The following SNX3 variants were observed in gnomAD, a reference collection of about 807,000 sequenced individuals.
SNX3 encodes the protein sorting nexin 3, also known as sorting nexin-3.
Under a neutral mutation model 17.7 loss-of-function variants are expected in SNX3, and 5 were observed. The observed-to-expected ratio is 0.28, with a 90% CI of 0.15 to 0.59. The LOEUF is 0.59. Among genes scored for constraint, SNX3 ranks in the 20% least tolerant of loss-of-function variants. The pLI is 0.88. For synonymous variants in SNX3, 91 were observed against 76.5 expected (o/e 1.19, Z -0.99); for missense variants, 132 against 206.8 (o/e 0.64, Z 2.22).
At chr6:108,243,856 C>G (rs553243732) in intron 1 of SNX3, among the ~76,000 whole-genome samples, 10 of 152,270 alleles carry the variant, frequency 6.6e-5, no homozygotes, top group Admixed American at 5.9e-4. Flanking sequence ...TCGCATGAAC[C>G]TGGGAGGTGA....
chr6:108,238,452 T>A (rs1775419475), intron 1 of SNX3, among the ~76,000 whole-genome samples: 1 of 152,094 alleles, frequency 6.6e-6, no homozygotes, highest in Non-Finnish European at 1.5e-5. Flanking sequence ...TACAGCCACT[T>A]ACACCACTAC....
chr6:108,232,669 G>A (rs1775205436), intron 1 of SNX3, among the ~76,000 whole-genome samples: 1 of 152,176 alleles, frequency 6.6e-6, no homozygotes, highest in South Asian at 2.1e-4. Context: ...AACATCAAAA[G>A]TATATTCAAT....
chr6:108,223,497 C>CTTTTTTTTTTTTTTTTT (rs59920022), intron 1 of SNX3, among the ~76,000 whole-genome samples: 1 of 110,368 alleles, frequency 9.1e-6, no homozygotes, highest in African/African-American at 4.2e-5. Flanking sequence ...TTTGCTAGTT[C>CTTTTTTTTTTTTTTTTT]TTTTTTTTTT....
In SNX3 at chr6:108,260,753, G is replaced by C. The variant is rs753754574; in HGVS notation, c.162+7C>G. The C allele has an allele frequency of 2.5e-6, 4 of 1,613,464 alleles. No individual in the cohort carries two copies. The highest frequency in any genetic ancestry group is 3.4e-6 in the Non-Finnish European group (4 of 1,179,680). Reference sequence around the variant, plus strand: ...GGTTTCTTGGGAGAGGGGAGAGACGGCCTCACCTTGACCCTGATTTCGTAA... The same window carrying C: ...GGTTTCTTGGGAGAGGGGAGAGACGCCCTCACCTTGACCCTGATTTCGTAA... On this transcript the variant is annotated splice_region_variant and intron_variant, in intron 1 of 3. Transcript: ENST00000230085.
chr6:108,234,238 C>CATATATATATATATAT lies in SNX3; in HGVS notation c.163-11209_163-11194dup, dbSNP rs10655859. On this transcript the variant is annotated intron_variant, in intron 1 of 3. Coordinates refer to ENST00000230085, the MANE Select transcript of SNX3 (RefSeq NM_003795.6). ...AGGCAAAATTAAAATATATAAAAAA[C>CATATATATATATATAT]ATATATATATATATATAACATATAC... Among the ~76,000 whole-genome samples, 1,474 of 148,116 alleles carry CATATATATATATATAT rather than the reference C, an allele frequency of 1.0e-2. 20 individuals are homozygous for CATATATATATATATAT. The highest frequency in any genetic ancestry group is 0.034 in the African/African-American group (1,367 of 39,942).
intron 1 of SNX3, among the ~76,000 whole-genome samples, chr6:108,235,728 T>C (rs1398026235): frequency 2.0e-5 from 3 of 152,092 alleles, no homozygotes; most frequent in Admixed American, 1.3e-4. Context: ...AAACCTCGTC[T>C]CTACTAAAAA....
chr6:108,243,593 A>G (rs973625540), intron 1 of SNX3, among the ~76,000 whole-genome samples: 5 of 152,170 alleles, frequency 3.3e-5, no homozygotes, highest in Admixed American at 2.6e-4. Flanking sequence ...AATACTAAAG[A>G]AAGCCCTTCC....
intron 1 of SNX3, among the ~76,000 whole-genome samples, chr6:108,229,147 C>G (rs1775060084): frequency 6.6e-6 from 1 of 151,304 alleles, no homozygotes; most frequent in Non-Finnish European, 1.5e-5. Context: ...GTAATTCCTG[C>G]TACTCCGGAG....
At chr6:108,214,737 T>A in intron 2 of SNX3, 115 bp from the exon 3 acceptor site, 1 of 1,122,168 alleles carries the variant, frequency 8.9e-7, no homozygotes, top group Non-Finnish European at 1.2e-6. Context: ...CCGGTCAAAC[T>A]AGTTGAAATA....
chr6:108,248,665 A>T (rs1775762033), intron 1 of SNX3, among the ~76,000 whole-genome samples: 1 of 152,212 alleles, frequency 6.6e-6, no homozygotes, highest in Non-Finnish European at 1.5e-5. Flanking sequence ...TATCAACATA[A>T]TCTGGCCTTC....
At chr6:108,223,593 G>C (rs1392704760) in intron 1 of SNX3, among the ~76,000 whole-genome samples, 1 of 142,206 alleles carries the variant, frequency 7.0e-6, no homozygotes, top group Non-Finnish European at 1.5e-5. Flanking sequence ...CACCTCCTAG[G>C]GTCAAGTGAT....
intron 1 of SNX3, among the ~76,000 whole-genome samples, chr6:108,224,067 T>C (rs1774900949): frequency 6.6e-6 from 1 of 152,144 alleles, no homozygotes; most frequent in African/African-American, 2.4e-5. Context: ...ATTTTCTTGG[T>C]GCTCATTCAT....
intron 1 of SNX3, among the ~76,000 whole-genome samples, chr6:108,236,531 C>G (rs1210761845): frequency 1.3e-5 from 2 of 150,950 alleles, no homozygotes; most frequent in African/African-American, 2.4e-5. Context: ...CTACAGGCGC[C>G]CGCCACTACG....
intron 2 of SNX3, among the ~76,000 whole-genome samples, chr6:108,214,887 C>T (rs1017704908): frequency 2.6e-5 from 4 of 152,170 alleles, no homozygotes; most frequent in Non-Finnish European, 4.4e-5. Context: ...CCCAGGTATA[C>T]AAAGAGAACA....
intron 1 of SNX3, among the ~76,000 whole-genome samples, chr6:108,234,465 C>G (rs973966922): frequency 6.6e-6 from 1 of 152,002 alleles, no homozygotes; most frequent in Non-Finnish European, 1.5e-5. Flanking sequence ...GCAGGAGAAT[C>G]GCTTGAACCC....
chr6:108,244,463 CTGTT>C (rs1341111125), intron 1 of SNX3, among the ~76,000 whole-genome samples: 5 of 151,960 alleles, frequency 3.3e-5, no homozygotes, highest in Admixed American at 6.6e-5. Context: ...CCCCTCCATA[CTGTT>C]TGTTTCCATA....
intron 1 of SNX3, among the ~76,000 whole-genome samples, chr6:108,243,120 C>T (rs114476618): frequency 5.3e-4 from 80 of 152,154 alleles, no homozygotes; most frequent in African/African-American, 1.7e-3. Context: ...TAAGAGACAG[C>T]GTCTTGCTTA....
At chr6:108,257,013 C>T (rs1776051657) in intron 1 of SNX3, among the ~76,000 whole-genome samples, 1 of 152,184 alleles carries the variant, frequency 6.6e-6, no homozygotes, top group Admixed American at 6.6e-5. Context: ...CTAAGTGCCA[C>T]CATCCATATA....
intron 2 of SNX3, among the ~76,000 whole-genome samples, chr6:108,217,806 T>C (rs1235164982): frequency 6.6e-6 from 1 of 151,476 alleles, no homozygotes; most frequent in Non-Finnish European, 1.5e-5. Context: ...CAAAGATATG[T>C]GCGTGCATGT....
Sources: gnomAD v4.1 joint callset for allele counts (sites outside exome capture counted in the v4.1 genomes callset) on GRCh38, gnomAD v4.1.1 for gene constraint, MANE v1.5 for transcripts, NCBI Gene and HGNC (gene_info 2026-07-23, HGNC 2026-07-21) for gene names.